PPP1R1C: variants seen among roughly 807,000 people sequenced by gnomAD.
PPP1R1C encodes the protein protein phosphatase 1 regulatory subunit 1C.
A neutral mutation model predicts 17.4 loss-of-function variants in PPP1R1C; 15 were observed. That is an observed-to-expected ratio of 0.86 (90% CI 0.58 to 1.33). The LOEUF (loss-of-function observed/expected upper bound fraction) is 1.33, where lower values mean the gene tolerates loss of function less well. Ranked by LOEUF, PPP1R1C falls within the 40% of genes most tolerant of loss-of-function variation. The pLI, the probability that PPP1R1C is intolerant of heterozygous loss-of-function variation, is 0.00. For missense variants in PPP1R1C, 143 were observed against 130.0 expected, an observed-to-expected ratio of 1.10 and a Z score of -0.48; for synonymous variants, 35 against 43.1, an observed-to-expected ratio of 0.81 and a Z score of 0.73.
At position 182,105,287 on chromosome 2, in the gene PPP1R1C, A is replaced by G. The variant is rs578195807; in HGVS notation, c.242-11920A>G. ...CTGAGACAATTTAAGACAGATTTAA[A>G]GAGGGAAATAGAGTAGATTTTTCAG... On this transcript the variant is annotated intron_variant, in intron 4 of 4. Transcript: ENST00000682840. Among the ~76,000 whole-genome samples the G allele has an allele frequency of 5.9e-5, 9 of 152,328 alleles. No individual in the cohort carries two copies. In the East Asian group the frequency reaches 1.7e-3, roughly 29 times the overall value.
At chr2:182,024,857 A>AC (rs1686545647) in intron 2 of PPP1R1C, among the ~76,000 whole-genome samples, 1 of 150,666 alleles carries the variant, frequency 6.6e-6, no homozygotes, top group Non-Finnish European at 1.5e-5. Context: ...TCTGTCTCAA[A>AC]AAACAAACAA....
chr2:181,958,805 G>A (rs1324714775), intron 1 of PPP1R1C, among the ~76,000 whole-genome samples: 1 of 152,194 alleles, frequency 6.6e-6, no homozygotes, highest in Non-Finnish European at 1.5e-5. Context: ...CATCTAGAGG[G>A]TGGTCATTCT....
At chr2:181,989,425 C>G (rs371236870) in intron 2 of PPP1R1C, among the ~76,000 whole-genome samples, 90 of 152,302 alleles carry the variant, frequency 5.9e-4, no homozygotes, top group African/African-American at 2.1e-3. Context: ...ATTCCAGAGA[C>G]AAATGCAGGT....
chr2:182,041,709 A>G (rs1687189719), intron 2 of PPP1R1C, among the ~76,000 whole-genome samples: 1 of 152,108 alleles, frequency 6.6e-6, no homozygotes, highest in African/African-American at 2.4e-5. Flanking sequence ...TAAAAATAAG[A>G]AAAGAAAAGC....
At chr2:181,988,638 G>A (rs2125140654) in intron 2 of PPP1R1C, among the ~76,000 whole-genome samples, 1 of 152,298 alleles carries the variant, frequency 6.6e-6, no homozygotes, top group South Asian at 2.1e-4. Flanking sequence ...GGCAGAACTT[G>A]GTGTTGGATT....
intron 2 of PPP1R1C, among the ~76,000 whole-genome samples, chr2:181,993,208 G>A (rs1004440725): frequency 2.0e-5 from 3 of 152,098 alleles, no homozygotes; most frequent in Admixed American, 1.3e-4. Flanking sequence ...AAGTTTTTCA[G>A]GGTCAACAAA....
intron 1 of PPP1R1C, among the ~76,000 whole-genome samples, chr2:181,958,032 G>A (rs189402682): frequency 1.7e-3 from 257 of 152,304 alleles, no homozygotes; most frequent in Non-Finnish European, 2.8e-3. Context: ...CTACACCCGT[G>A]TGATAACTGG....
chr2:182,011,333 C>A (rs188876679), intron 2 of PPP1R1C, among the ~76,000 whole-genome samples: 130 of 152,042 alleles, frequency 8.6e-4, no homozygotes, highest in Non-Finnish European at 2.5e-4. Flanking sequence ...TTCTTCAGGA[C>A]TCTATTTTGA....
intron 4 of PPP1R1C, among the ~76,000 whole-genome samples, chr2:182,071,434 G>A (rs751455989): frequency 6.6e-6 from 1 of 152,202 alleles, no homozygotes; most frequent in Non-Finnish European, 1.5e-5. Context: ...CCCATGATAC[G>A]AGGGGCACAT....
rs948995976 is a variant in PPP1R1C, at chr2:181,967,676, T to TTTCC, written n.112-7528_112-7525dup. On this transcript the variant is annotated intron_variant and non_coding_transcript_variant, in intron 1 of 5. Coordinates refer to the PPP1R1C transcript ENST00000464264. This position sits in a 1 kb window ranked among gnomAD's most constrained non-coding sequence, Gnocchi z 5.5. ...CCCTCCCTCCCTCCTTCTCTCTCTC[T>TTTCC]TTCCTTCCTTCCTTCCTTTCTTTCT... Among the ~76,000 whole-genome samples, 15 of 151,840 alleles carry TTTCC rather than the reference T, an allele frequency of 9.9e-5. No individual in the cohort carries two copies. The highest frequency in any genetic ancestry group is 7.9e-4 in the Admixed American group (12 of 15,226).
At chr2:182,036,794 A>G (rs1373381139) in intron 2 of PPP1R1C, among the ~76,000 whole-genome samples, 1 of 152,184 alleles carries the variant, frequency 6.6e-6, no homozygotes, top group Non-Finnish European at 1.5e-5. Context: ...ATGTGTATGT[A>G]TAATACATGT....
At chr2:182,124,327 G>GTTTTTTTTTTTGTTTTTTTTTTTTTTT (rs1689817589) in intron 5 of PPP1R1C, among the ~76,000 whole-genome samples, 2 of 83,006 alleles carry the variant, frequency 2.4e-5, no homozygotes, top group Non-Finnish European at 4.3e-5. Flanking sequence ...TTTTTTTTTT[G>GTTTTTTTTTTTGTTTTTTTTTTTTTTT]TTTTTTTTTT....
intron 2 of PPP1R1C, among the ~76,000 whole-genome samples, chr2:182,039,661 A>G (rs1362325901): frequency 6.6e-6 from 1 of 152,190 alleles, no homozygotes; most frequent in Non-Finnish European, 1.5e-5. Flanking sequence ...CTGAGATTAC[A>G]GGTGTGAGCC....
At chr2:182,089,215 C>T (rs758473339) in intron 4 of PPP1R1C, among the ~76,000 whole-genome samples, 9 of 152,100 alleles carry the variant, frequency 5.9e-5, no homozygotes, top group African/African-American at 1.2e-4. Flanking sequence ...CATCTGAACC[C>T]GAGAATAACT....
chr2:181,982,753 G>T (rs1447830519), upstream of PPP1R1C, among the ~76,000 whole-genome samples: 6 of 152,150 alleles, frequency 3.9e-5, no homozygotes, highest in African/African-American at 1.4e-4. Context: ...CTGTAGGAGG[G>T]TCTTGAGGAA....
At chr2:182,122,707 A>T (rs1689762456), downstream of PPP1R1C, among the ~76,000 whole-genome samples, 1 of 152,170 alleles carries the variant, frequency 6.6e-6, no homozygotes, top group Admixed American at 6.6e-5. Context: ...GTAAGCCAAA[A>T]CAGACATAAA....
intron 4 of PPP1R1C, among the ~76,000 whole-genome samples, chr2:182,081,774 C>G (rs936097975): frequency 1.3e-5 from 2 of 152,172 alleles, no homozygotes; most frequent in Non-Finnish European, 2.9e-5. Context: ...AAAGCCACTT[C>G]AACCACTCAT....
At position 181,962,268 on chromosome 2, in the gene PPP1R1C, G is replaced by T; in HGVS notation, n.111+7634G>T. On this transcript the variant is annotated intron_variant and non_coding_transcript_variant, in intron 1 of 5. Transcript: ENST00000464264. The surrounding 1 kb of genome is among the most constrained non-coding windows in gnomAD (Gnocchi z 6.0). The stretch of plus-strand genomic sequence containing the variant: ...TTCTGGATGCCTCCCATTCCTGCCA[G>T]ACCCCCGGCCATCCCCGCGGCCAGG... 2.7e-6 allele frequency: 2 copies of T among 739,232 alleles called. No homozygotes were observed. The highest frequency in any genetic ancestry group is 3.0e-5 in the South Asian group (2 of 66,672). The allele number at this position is 739,232 out of a possible 1,614,324, so 45.8% of individuals were successfully genotyped here.
intron 4 of PPP1R1C, among the ~76,000 whole-genome samples, chr2:182,092,866 G>A (rs1018823009): frequency 9.9e-5 from 15 of 152,164 alleles, no homozygotes; most frequent in Admixed American, 2.6e-4. Flanking sequence ...CCTTCTGGCC[G>A]CTTTCACAGG....
Sources: gnomAD v4.1 joint callset for allele counts (sites outside exome capture counted in the v4.1 genomes callset) on GRCh38, gnomAD v4.1.1 for gene constraint, Gnocchi (gnomAD v3.1) non-coding constraint, MANE v1.5 for transcripts, NCBI Gene and HGNC (gene_info 2026-07-23, HGNC 2026-07-21) for gene names.